The following LMBRD1 variants were observed in gnomAD, a reference collection of about 807,000 sequenced individuals.
LMBRD1 encodes the protein lysosomal cobalamin transport escort protein LMBD1.
LMBRD1 carries 64 observed loss-of-function variants against 74.8 expected under a neutral mutation model. That is an observed-to-expected ratio of 0.86 (90% CI 0.70 to 1.05). The LOEUF (loss-of-function observed/expected upper bound fraction) is 1.05, where lower values mean the gene tolerates loss of function less well. Among genes scored for constraint, LMBRD1 ranks in the 50% least tolerant of loss-of-function variants. The pLI, the probability that LMBRD1 is intolerant of heterozygous loss-of-function variation, is 0.00. For synonymous variants in LMBRD1, 204 were observed against 216.3 expected, an observed-to-expected ratio of 0.94 and a Z score of 0.50; for missense variants, 652 against 645.9, an observed-to-expected ratio of 1.01 and a Z score of -0.10.
chr6:69,744,156 G>A (rs1011869849), intron 5 of LMBRD1, among the ~76,000 whole-genome samples: 6 of 152,088 alleles, frequency 3.9e-5, no homozygotes, highest in Non-Finnish European at 7.4e-5. Flanking sequence ...TAAAGTAACC[G>A]AGAGTTAGAA....
intron 14 of LMBRD1, among the ~76,000 whole-genome samples, chr6:69,683,807 G>C (rs778951485): frequency 2.0e-5 from 3 of 152,032 alleles, no homozygotes; most frequent in Admixed American, 2.0e-4. Context: ...AATGGAAGTA[G>C]AACCATCAGC....
intron 14 of LMBRD1, among the ~76,000 whole-genome samples, chr6:69,690,064 T>C (rs1163710166): frequency 1.3e-5 from 2 of 148,274 alleles, no homozygotes; most frequent in Non-Finnish European, 3.0e-5. Context: ...TTCATTCATT[T>C]TTTTTTTTTT....
chr6:69,771,757 A>C (rs1765581661), intron 3 of LMBRD1, among the ~76,000 whole-genome samples: 1 of 152,202 alleles, frequency 6.6e-6, no homozygotes, highest in African/African-American at 2.4e-5. Context: ...GAAAAGACGT[A>C]TCATATTTTT....
intron 9 of LMBRD1, chr6:69,706,290 CTAATA>C (rs1488062329): frequency 5.6e-6 from 1 of 179,424 alleles, no homozygotes; most frequent in East Asian, 1.4e-4. Flanking sequence ...CCCACAGACT[CTAATA>C]TGTTTCAATT....
intron 3 of LMBRD1, among the ~76,000 whole-genome samples, chr6:69,762,224 T>A (rs1562116814): frequency 6.6e-6 from 1 of 152,216 alleles, no homozygotes; most frequent in Non-Finnish European, 1.5e-5. Flanking sequence ...ACTGCTACTA[T>A]GAACATCTTT....
chr6:69,693,834 C>T (rs1011050686), intron 14 of LMBRD1, among the ~76,000 whole-genome samples: 3 of 151,830 alleles, frequency 2.0e-5, no homozygotes, highest in African/African-American at 7.3e-5. Context: ...AAAAAACTAC[C>T]CTGCCACCCC....
intron 5 of LMBRD1, 86 bp from the exon 6 acceptor site, chr6:69,741,963 A>G (rs1204308988): frequency 1.6e-5 from 13 of 802,710 alleles, no homozygotes; most frequent in Non-Finnish European, 2.7e-5. Flanking sequence ...TTTTTCTCCA[A>G]AACAATAAAT....
At chr6:69,772,204 T>C (rs1765590702) in intron 3 of LMBRD1, among the ~76,000 whole-genome samples, 1 of 152,182 alleles carries the variant, frequency 6.6e-6, no homozygotes. Context: ...ATTGGGCATA[T>C]AGGTGATATT....
intron 7 of LMBRD1, among the ~76,000 whole-genome samples, chr6:69,727,510 T>C (rs1009808326): frequency 6.6e-6 from 1 of 152,178 alleles, no homozygotes; most frequent in Admixed American, 6.5e-5. Flanking sequence ...TCAAAATGTA[T>C]ACTTTGGTGA....
At chr6:69,705,892 C>T (rs1167304710) in intron 9 of LMBRD1, 21 of 1,341,916 alleles carry the variant, frequency 1.6e-5, no homozygotes, top group Admixed American at 1.0e-4. Context: ...TTCAAAGCCC[C>T]TAAGGAAAAT....
intron 9 of LMBRD1, among the ~76,000 whole-genome samples, chr6:69,709,094 C>A (rs904120491): frequency 6.6e-6 from 1 of 152,048 alleles, no homozygotes; most frequent in Non-Finnish European, 1.5e-5. Context: ...ATTAGCCAGG[C>A]GTGGTGGCAC....
At chr6:69,731,132 G>A (rs906886196) in intron 7 of LMBRD1, among the ~76,000 whole-genome samples, 1 of 152,038 alleles carries the variant, frequency 6.6e-6, no homozygotes, top group Non-Finnish European at 1.5e-5. Context: ...TACAACTAAT[G>A]ACTAAAAGAG....
intron 3 of LMBRD1, among the ~76,000 whole-genome samples, chr6:69,754,239 T>C (rs933459614): frequency 2.0e-5 from 3 of 152,076 alleles, no homozygotes; most frequent in Non-Finnish European, 2.9e-5. Flanking sequence ...ATATTATGAA[T>C]ATATTTAATA....
chr6:69,707,801 G>C (rs532083416), intron 9 of LMBRD1, among the ~76,000 whole-genome samples: 3 of 152,140 alleles, frequency 2.0e-5, no homozygotes, highest in South Asian at 2.1e-4. Flanking sequence ...AACTGATGGA[G>C]AGCAAAAGAG....
At chr6:69,738,599 T>TACAC (rs3217690) in intron 6 of LMBRD1, among the ~76,000 whole-genome samples, 1,489 of 145,302 alleles carry the variant, frequency 0.01, 5 homozygotes, top group Admixed American at 0.013. Context: ...GGTTTAAAAA[T>TACAC]ACACACACAC....
At chr6:69,760,082 G>A (rs546834588) in intron 3 of LMBRD1, among the ~76,000 whole-genome samples, 1 of 152,044 alleles carries the variant, frequency 6.6e-6, no homozygotes, top group Non-Finnish European at 1.5e-5. Context: ...TAGCAAAATA[G>A]CTTGTCATTA....
chr6:69,773,978 C>T (rs1291150749), intron 3 of LMBRD1, among the ~76,000 whole-genome samples: 2 of 152,192 alleles, frequency 1.3e-5, no homozygotes, highest in Non-Finnish European at 2.9e-5. Context: ...TTTACATCTA[C>T]ACACAAGATG....
At chr6:69,786,532 T>C (rs1212911651) in intron 2 of LMBRD1, among the ~76,000 whole-genome samples, 1 of 151,334 alleles carries the variant, frequency 6.6e-6, no homozygotes. Flanking sequence ...TATATCCCCA[T>C]CCAATGTTAC....
chr6:69,764,745 T>C (rs1765444185), intron 3 of LMBRD1, among the ~76,000 whole-genome samples: 1 of 152,154 alleles, frequency 6.6e-6, no homozygotes, highest in Non-Finnish European at 1.5e-5. Context: ...TTTACAAATA[T>C]GTTTGGCTTG....
Sources: gnomAD v4.1 joint callset for allele counts (sites outside exome capture counted in the v4.1 genomes callset) on GRCh38, gnomAD v4.1.1 for gene constraint, MANE v1.5 for transcripts, NCBI Gene and HGNC (gene_info 2026-07-23, HGNC 2026-07-21) for gene names.